SEMA3A: variants seen among roughly 807,000 people sequenced by gnomAD.
SEMA3A encodes the protein semaphorin 3A, also known as semaphorin-3A.
Under a neutral mutation model 97.9 loss-of-function variants are expected in SEMA3A, and 29 were observed. The observed-to-expected ratio is 0.30, with a 90% CI of 0.22 to 0.40. SEMA3A has a LOEUF of 0.40. Ranked by LOEUF, SEMA3A falls within the 10% of genes least tolerant of loss-of-function variation. The pLI, the probability that SEMA3A is intolerant of heterozygous loss-of-function variation, is 1.00. For missense variants in SEMA3A, 763 were observed against 951.3 expected (o/e 0.80, Z 2.60); for synonymous variants, 321 against 323.7 (o/e 0.99, Z 0.09).
At chr7:84,332,273 A>T (rs1801926570) in intron 2 of SEMA3A, among the ~76,000 whole-genome samples, 1 of 152,194 alleles carries the variant, frequency 6.6e-6, no homozygotes, top group Non-Finnish European at 1.5e-5. Context: ...AGAAAAAAAT[A>T]ACATTATATT....
intron 1 of SEMA3A, among the ~76,000 whole-genome samples, chr7:84,164,910 A>AG (rs1797151603): frequency 6.6e-6 from 1 of 152,190 alleles, no homozygotes; most frequent in African/African-American, 2.4e-5. Context: ...TGTATTTTAG[A>AG]ATATGCTCTA....
intron 1 of SEMA3A, among the ~76,000 whole-genome samples, chr7:84,428,187 T>C (rs1804877506): frequency 6.6e-6 from 1 of 152,084 alleles, no homozygotes; most frequent in Non-Finnish European, 1.5e-5. Context: ...ATCTGTAAGC[T>C]CATAGATAAT....
Position 84,121,860 on chromosome 7 carries a change from C to G in SEMA3A, c.333+7263G>C, listed in dbSNP as rs1207923883. Among the ~76,000 whole-genome samples, 2 of 47,440 alleles carry G rather than the reference C, an allele frequency of 4.2e-5. 1 individual carries two copies. The highest frequency in any genetic ancestry group is 8.3e-5 in the Non-Finnish European group (2 of 24,072). 31.1% of individuals were successfully genotyped at this position (47,440 alleles called of 152,430 possible). A position where few individuals can be genotyped will look rare whatever the true frequency, so the allele number is the denominator to read the frequency against. On this transcript the variant is annotated intron_variant, in intron 3 of 16. Transcript: ENST00000265362. ...TTCACCGTTTTAGCCGGGATGGTCT[C>G]GATCTCTTGACCTCGTGATCCGCCC...
intron 12 of SEMA3A, among the ~76,000 whole-genome samples, chr7:83,998,382 T>C (rs1356954873): frequency 6.6e-6 from 1 of 152,170 alleles, no homozygotes; most frequent in East Asian, 1.9e-4. Context: ...ATAGAAAAGG[T>C]ACAATAAAAG....
At chr7:84,385,105 A>G (rs1041923871) in intron 1 of SEMA3A, among the ~76,000 whole-genome samples, 33 of 151,600 alleles carry the variant, frequency 2.2e-4, no homozygotes, top group African/African-American at 8.0e-4. Context: ...ACAAACACTC[A>G]ATTAAAATGG....
rs1345061042 is a variant in SEMA3A, at chr7:84,404,872, C to A, written c.-245-32972G>T. ...GAGATTTTGTCACCACCAGGCCTGC[C>A]CTAAAAGAGCTCCTGAAGGAAGCAC... is the stretch of plus-strand genomic sequence containing the variant. On this transcript the variant is annotated intron_variant, in intron 1 of 3. Transcript: ENST00000424555. 2.6e-5 allele frequency among the ~76,000 whole-genome samples: 4 copies of A among 152,118 alleles called. No homozygotes were observed. The East Asian group carries it at 5.8e-4, about 22-fold the overall frequency.
At chr7:84,337,015 T>C (rs894285789) in intron 2 of SEMA3A, among the ~76,000 whole-genome samples, 6 of 152,086 alleles carry the variant, frequency 3.9e-5, no homozygotes, top group African/African-American at 1.4e-4. Flanking sequence ...GGAAGGAATA[T>C]TATGCAGATT....
intron 4 of SEMA3A, among the ~76,000 whole-genome samples, chr7:84,101,608 T>C (rs1373866412): frequency 6.6e-6 from 1 of 152,174 alleles, no homozygotes; most frequent in African/African-American, 2.4e-5. Flanking sequence ...CATTCAGTTT[T>C]GGTGACAATG....
intron 3 of SEMA3A, among the ~76,000 whole-genome samples, chr7:84,236,384 T>A (rs1799236416): frequency 6.6e-6 from 1 of 152,072 alleles, no homozygotes; most frequent in African/African-American, 2.4e-5. Flanking sequence ...CAATATAACC[T>A]CCTAACAGAA....
Position 84,334,294 on chromosome 7 carries a change from A to G in SEMA3A, c.-168-27002T>C, listed in dbSNP as rs534858780. Among the ~76,000 whole-genome samples the G allele has an allele frequency of 2.0e-5, 3 of 152,150 alleles. No individual in the cohort carries two copies. In the East Asian group the frequency reaches 5.8e-4, roughly 29 times the overall value. Reference sequence around the variant, plus strand: ...GTAATGAAGATTTCAGAGTAATGAAAATATTTTTATAATTAACTTCTAAAG... The same window carrying G: ...GTAATGAAGATTTCAGAGTAATGAAGATATTTTTATAATTAACTTCTAAAG... On this transcript the variant is annotated intron_variant, in intron 2 of 3. Coordinates refer to the SEMA3A transcript ENST00000424555.
chr7:84,313,345 T>TA (rs1431333077), intron 2 of SEMA3A, among the ~76,000 whole-genome samples: 1 of 37,864 alleles, frequency 2.6e-5, no homozygotes, highest in East Asian at 1.1e-3. Context: ...TATATATGTA[T>TA]ATGTGTGTGT....
chr7:84,039,205 C>T (rs1792045474), intron 6 of SEMA3A, among the ~76,000 whole-genome samples: 1 of 152,104 alleles, frequency 6.6e-6, no homozygotes, highest in African/African-American at 2.4e-5. Flanking sequence ...CTCATGCATT[C>T]TCAGAAAAAC....
At chr7:84,440,571 G>A (rs1490374149) in intron 1 of SEMA3A, among the ~76,000 whole-genome samples, 1 of 152,070 alleles carries the variant, frequency 6.6e-6, no homozygotes, top group Admixed American at 6.6e-5. Context: ...AGACATTGAA[G>A]ACTAGAACAT....
At chr7:84,196,119 C>A (rs1022285989), upstream of SEMA3A, among the ~76,000 whole-genome samples, 15 of 151,962 alleles carry the variant, frequency 9.9e-5, no homozygotes, top group African/African-American at 3.4e-4. Context: ...CCCCTCCTAC[C>A]ACCACTCCCC....
At chr7:84,435,734 A>G (rs1805110298) in intron 1 of SEMA3A, among the ~76,000 whole-genome samples, 1 of 152,206 alleles carries the variant, frequency 6.6e-6, no homozygotes, top group Non-Finnish European at 1.5e-5. Context: ...ATACCATTGA[A>G]ATGTCCATAC....
intron 1 of SEMA3A, among the ~76,000 whole-genome samples, chr7:84,422,544 T>G (rs573500852): frequency 3.1e-4 from 47 of 152,166 alleles, no homozygotes; most frequent in Admixed American, 1.2e-3. Context: ...CTTAGTTATT[T>G]CTTTTCTGCT....
chr7:84,158,148 C>CTTTTTTT (rs1187182577), intron 1 of SEMA3A, among the ~76,000 whole-genome samples: 169 of 82,292 alleles, frequency 2.1e-3, no homozygotes, highest in Non-Finnish European at 2.6e-3. Context: ...ACAGCTAATT[C>CTTTTTTT]TTTTTTTTTT....
chr7:84,351,362 A>G (rs556475849), intron 2 of SEMA3A, among the ~76,000 whole-genome samples: 13 of 152,266 alleles, frequency 8.5e-5, no homozygotes, highest in African/African-American at 3.1e-4. Context: ...TCTTTACCAA[A>G]TATTACATTA....
intron 1 of SEMA3A, among the ~76,000 whole-genome samples, chr7:84,166,253 G>A (rs1797201304): frequency 6.6e-6 from 1 of 151,196 alleles, no homozygotes; most frequent in African/African-American, 2.4e-5. Context: ...ACTCCAGCCT[G>A]GGTGACAGAG....
Sources: allele counts gnomAD v4.1 joint callset (sites outside exome capture counted in the v4.1 genomes callset), GRCh38; gene constraint gnomAD v4.1.1; transcripts MANE v1.5; gene names NCBI Gene and HGNC (gene_info 2026-07-23, HGNC 2026-07-21).